The following UGT2B7 variants were observed in gnomAD, a reference collection of about 807,000 sequenced individuals.
The protein encoded by UGT2B7 is UDP glucuronosyltransferase family 2 member B7, also known as UDP-glucuronosyltransferase 2B7.
Under a neutral mutation model 51.9 loss-of-function variants are expected in UGT2B7, and 51 were observed. That is an observed-to-expected ratio of 0.98 (90% CI 0.78 to 1.24). UGT2B7 has a LOEUF of 1.24. Ranked by LOEUF, UGT2B7 falls within the 50% of genes most tolerant of loss-of-function variation. The pLI, the probability that UGT2B7 is intolerant of heterozygous loss-of-function variation, is 0.00. For missense variants in UGT2B7, 727 were observed against 628.4 expected (o/e 1.16, Z -1.68); for synonymous variants, 225 against 211.6 (o/e 1.06, Z -0.55).
intron 1 of UGT2B7, among the ~76,000 whole-genome samples, chr4:69,075,949 G>T (rs760575697): frequency 6.6e-6 from 1 of 151,748 alleles, no homozygotes. Flanking sequence ...CCCATAACAG[G>T]CCCCACTGTG....
chr4:69,089,868 T>A (rs1180983626), intron 2 of UGT2B7, among the ~76,000 whole-genome samples: 2 of 152,148 alleles, frequency 1.3e-5, no homozygotes, highest in African/African-American at 2.4e-5. Flanking sequence ...ATCTCACATT[T>A]TGAGATTTTA....
At chr4:69,061,453 C>G (rs1718345554) in intron 1 of UGT2B7, among the ~76,000 whole-genome samples, 2 of 152,312 alleles carry the variant, frequency 1.3e-5, no homozygotes, top group Admixed American at 1.3e-4. Flanking sequence ...ACCTTCTATT[C>G]TAAAGAAGAA....
chr4:69,080,274 G>A (rs1718806009), intron 1 of UGT2B7, among the ~76,000 whole-genome samples: 1 of 152,098 alleles, frequency 6.6e-6, no homozygotes, highest in Non-Finnish European at 1.5e-5. Context: ...TCTGCCAGGT[G>A]TGGTGGCTCA....
At chr4:69,092,628 TAA>T (rs1302424201), upstream of UGT2B7, among the ~76,000 whole-genome samples, 4 of 152,160 alleles carry the variant, frequency 2.6e-5, no homozygotes, top group South Asian at 4.1e-4. Context: ...ATGAAAAATA[TAA>T]GTTTTCTTTA....
intron 3 of UGT2B7, among the ~76,000 whole-genome samples, chr4:69,106,303 C>T (rs1257337640): frequency 6.6e-6 from 1 of 152,050 alleles, no homozygotes. Context: ...TCTATTTGTC[C>T]ACATGTTCTC....
chr4:69,107,963 GT>G (rs1719657460), intron 4 of UGT2B7, 139 bp from the exon 5 acceptor site: 5 of 1,104,034 alleles, frequency 4.5e-6, no homozygotes, highest in South Asian at 1.5e-5. Context: ...ACAAGTACGT[GT>G]TTTTTCCTCC....
chr4:69,057,492 G>A (rs577215839), intron 1 of UGT2B7, among the ~76,000 whole-genome samples: 8 of 152,232 alleles, frequency 5.3e-5, no homozygotes, highest in African/African-American at 1.7e-4. Flanking sequence ...AATATTTAAC[G>A]TAAGATTACC....
chr4:69,111,837 C>T (rs1052848256), intron 5 of UGT2B7, among the ~76,000 whole-genome samples: 3 of 152,128 alleles, frequency 2.0e-5, no homozygotes, highest in Non-Finnish European at 4.4e-5. Context: ...ATTTAAAAGC[C>T]AAACTTTCTA....
chr4:69,057,409 C>A (rs375941444), intron 1 of UGT2B7, among the ~76,000 whole-genome samples: 178 of 152,274 alleles, frequency 1.2e-3, no homozygotes, highest in African/African-American at 4.1e-3. Context: ...CACATACCTC[C>A]TTCCAAAGGA....
intron 1 of UGT2B7, among the ~76,000 whole-genome samples, chr4:69,098,321 C>T (rs1173253818): frequency 2.0e-5 from 3 of 151,974 alleles, no homozygotes; most frequent in South Asian, 4.1e-4. Flanking sequence ...GTAGCTTAAC[C>T]TCACAATTCT....
intron 1 of UGT2B7, among the ~76,000 whole-genome samples, chr4:69,076,065 T>C (rs1032101892): frequency 2.0e-5 from 3 of 152,142 alleles, no homozygotes; most frequent in African/African-American, 7.2e-5. Flanking sequence ...TTGCTGAGAA[T>C]GATGGTTTCC....
intron 1 of UGT2B7, among the ~76,000 whole-genome samples, chr4:69,067,839 C>T (rs1203109852): frequency 6.6e-6 from 1 of 151,854 alleles, no homozygotes; most frequent in African/African-American, 2.4e-5. Context: ...TGCATAAGTT[C>T]TAAAATAGCC....
intron 1 of UGT2B7, among the ~76,000 whole-genome samples, chr4:69,080,370 A>G (rs746713324): frequency 1.1e-4 from 16 of 151,976 alleles, no homozygotes; most frequent in Non-Finnish European, 1.8e-4. Flanking sequence ...CAATGCGGTA[A>G]AACTCCGTCC....
At position 69,096,748 on chromosome 4, in the gene UGT2B7, T is replaced by G. The variant is rs762503294; in HGVS notation, c.228T>G (p.Ile76Met). ...PNNSSALKIE[I>M]YPTSLTKTEL... ...ACTCATCCGCTCTTAAAATTGAAAT[T>G]TATCCCACATCTTTAACTAAAACTG... The change falls in exon 1 of 6, where the codon ATT (isoleucine) becomes ATG (methionine). Residue 76 changes from isoleucine (I) to methionine (M), a missense_variant. Transcript: ENST00000305231. 1.6e-5 allele frequency: 26 copies of G among 1,613,884 alleles called. No homozygotes were observed. Among genetic ancestry groups the G allele is most frequent in the Non-Finnish European group, 2.1e-5 (25 of 1,179,920 alleles).
intron 1 of UGT2B7, among the ~76,000 whole-genome samples, chr4:69,078,040 G>GC (rs1560503328): frequency 6.6e-6 from 1 of 151,550 alleles, no homozygotes; most frequent in Non-Finnish European, 1.5e-5. Flanking sequence ...AGACAATCAT[G>GC]TTTTTTTTGG....
intron 1 of UGT2B7, among the ~76,000 whole-genome samples, chr4:69,073,148 G>T (rs1178888025): frequency 6.6e-6 from 1 of 152,060 alleles, no homozygotes; most frequent in African/African-American, 2.4e-5. Context: ...AGGGAGTTTT[G>T]TGATGCTGAG....
chr4:69,067,078 T>C (rs1718496313), intron 1 of UGT2B7, among the ~76,000 whole-genome samples: 1 of 152,104 alleles, frequency 6.6e-6, no homozygotes, highest in Admixed American at 6.6e-5. Flanking sequence ...CCTGCTTCTT[T>C]TGTGGGGGAG....
chr4:69,055,098 TAAAAAAA>T (rs1178892377), intron 1 of UGT2B7, among the ~76,000 whole-genome samples: 55 of 22,560 alleles, frequency 2.4e-3, no homozygotes, highest in South Asian at 0.014. Flanking sequence ...AAGTAATAGC[TAAAAAAA>T]AAAAAAAAAA....
upstream of UGT2B7, among the ~76,000 whole-genome samples, chr4:69,095,391 C>T (rs894708326): frequency 2.6e-5 from 4 of 152,200 alleles, no homozygotes; most frequent in African/African-American, 9.6e-5. Context: ...TCTAGATCAG[C>T]TGGCATCAGT....
Sources: allele counts gnomAD v4.1 joint callset (sites outside exome capture counted in the v4.1 genomes callset), GRCh38; gene constraint gnomAD v4.1.1; transcripts MANE v1.5; gene names NCBI Gene and HGNC (gene_info 2026-07-23, HGNC 2026-07-21).